The following GRIN2A variants were observed in gnomAD, a reference collection of about 807,000 sequenced individuals.
GRIN2A encodes the protein glutamate receptor ionotropic, NMDA 2A.
A neutral mutation model predicts 113.4 loss-of-function variants in GRIN2A; 22 were observed. That is an observed-to-expected ratio of 0.19 (90% confidence interval 0.14 to 0.28). The LOEUF (loss-of-function observed/expected upper bound fraction) is 0.28, where lower values mean the gene tolerates loss of function less well. GRIN2A is among the 10% of genes least tolerant of loss of function. The pLI is 1.00. For missense variants in GRIN2A, 1,502 were observed against 1,887.0 expected (o/e 0.80, Z 3.78); for synonymous variants, 827 against 738.4 (o/e 1.12, Z -1.94).
intron 2 of GRIN2A, among the ~76,000 whole-genome samples, chr16:10,039,331 G>C (rs952810638): frequency 2.6e-5 from 4 of 152,166 alleles, no homozygotes; most frequent in Admixed American, 1.3e-4. Flanking sequence ...GCGGGGGCAG[G>C]GATGAACTGC....
chr16:10,137,491 A>T (rs748656167), intron 2 of GRIN2A, among the ~76,000 whole-genome samples: 9 of 152,156 alleles, frequency 5.9e-5, no homozygotes, highest in Non-Finnish European at 2.9e-5. Context: ...CTTCCTGCAC[A>T]CTATGGACAA....
chr16:10,139,855 T>C (rs938120054), intron 2 of GRIN2A, among the ~76,000 whole-genome samples: 1 of 151,248 alleles, frequency 6.6e-6, no homozygotes, highest in Non-Finnish European at 1.5e-5. Flanking sequence ...TTGAAGGGAG[T>C]CTCACTCTAT....
chr16:9,863,558 T>C (rs1453307319), intron 4 of GRIN2A, among the ~76,000 whole-genome samples: 1 of 152,126 alleles, frequency 6.6e-6, no homozygotes, highest in Non-Finnish European at 1.5e-5. Flanking sequence ...AACACGGACA[T>C]CCAAAAGGCG....
intron 2 of GRIN2A, among the ~76,000 whole-genome samples, chr16:9,976,241 A>G (rs2045771489): frequency 6.6e-6 from 1 of 152,208 alleles, no homozygotes; most frequent in African/African-American, 2.4e-5. Flanking sequence ...GCCAGACACC[A>G]TGGCATGACT....
chr16:9,851,265 T>G (rs1417715516), intron 4 of GRIN2A, among the ~76,000 whole-genome samples: 1 of 152,222 alleles, frequency 6.6e-6, no homozygotes, highest in Admixed American at 6.5e-5. Flanking sequence ...TACAAAATTG[T>G]CCAGCATTGC....
intron 3 of GRIN2A, among the ~76,000 whole-genome samples, chr16:9,898,789 T>C: frequency 7.8e-6 from 1 of 128,236 alleles, no homozygotes; most frequent in East Asian, 2.0e-4. Flanking sequence ...TTTCACAGAG[T>C]GTTTTTTTTT....
At position 10,180,214 on chromosome 16, in the gene GRIN2A, G is replaced by A. The variant is rs2142389936; in HGVS notation, c.198C>T (p.Asp66=). 4 of 1,614,114 alleles carry A rather than the reference G, an allele frequency of 2.5e-6. No homozygotes were observed. Among genetic ancestry groups the A allele is most frequent in the Non-Finnish European group, 2.5e-6 (3 of 1,180,032 alleles). Residue 66 remains aspartate, a synonymous_variant, in exon 2 of 13, where the codon GAC becomes GAT. Transcript: ENST00000330684. The surrounding 1 kb of genome is among the most constrained non-coding windows in gnomAD (Gnocchi z 7.0). ...GPEQAAGLPL[D]VNVVALLMNR... The stretch of plus-strand genomic sequence containing the variant: ...TCATCAGCAGAGCTACCACGTTCAC[G>A]TCCAGGGGCAGCCCCGCCGCCTGCT...
chr16:10,058,301 C>CA (rs1304173297), intron 2 of GRIN2A, among the ~76,000 whole-genome samples: 1 of 150,930 alleles, frequency 6.6e-6, no homozygotes, highest in Non-Finnish European at 1.5e-5. Flanking sequence ...AAACAAAAAA[C>CA]AAAAAACAAA....
At position 9,924,450 on chromosome 16, in the gene GRIN2A, T is replaced by A. The variant is rs57992739; in HGVS notation, c.1007+13509A>T. On this transcript the variant is annotated intron_variant, in intron 3 of 12. Coordinates refer to ENST00000330684, the MANE Select transcript of GRIN2A (RefSeq NM_001134407.3). ...CGACGAGAAGTCGGCTGACATCTTT[T>A]TTCACTCTGACAGCTTTCAACTGTG... 9.2e-3 allele frequency among the ~76,000 whole-genome samples: 1,407 copies of A among 152,348 alleles called. 19 individuals carry two copies. The highest frequency in any genetic ancestry group is 0.032 in the African/African-American group (1,342 of 41,572).
intron 2 of GRIN2A, among the ~76,000 whole-genome samples, chr16:10,156,524 C>A (rs1262180415): frequency 1.3e-5 from 2 of 152,134 alleles, no homozygotes; most frequent in African/African-American, 4.8e-5. Flanking sequence ...GTATACTGGG[C>A]ACTGAGGGGA....
intron 2 of GRIN2A, among the ~76,000 whole-genome samples, chr16:10,075,739 T>C (rs1327424087): frequency 6.6e-6 from 1 of 152,124 alleles, no homozygotes; most frequent in East Asian, 1.9e-4. Flanking sequence ...TACTAGGAAT[T>C]TCTCATAAGA....
intron 2 of GRIN2A, among the ~76,000 whole-genome samples, chr16:10,166,699 A>G (rs370939521): frequency 2.5e-4 from 38 of 152,340 alleles, no homozygotes; most frequent in African/African-American, 6.3e-4. Context: ...CAAGAAATGT[A>G]TGAAGAATGA....
chr16:10,160,757 A>G (rs2142323875), intron 2 of GRIN2A, among the ~76,000 whole-genome samples: 1 of 152,368 alleles, frequency 6.6e-6, no homozygotes, highest in East Asian at 1.9e-4. Context: ...CAAATGCTCA[A>G]TCGAACAGAA....
rs530149137 is a variant in GRIN2A, at chr16:9,837,504, T to G, written c.1651+3143A>C. Among the ~76,000 whole-genome samples the G allele has an allele frequency of 8.5e-5, 13 of 152,294 alleles. No individual in the cohort carries two copies. The South Asian group carries it at 2.7e-3, about 32-fold the overall frequency. ...AAGCCAATTGATATTTTTTTCTCTC[T>G]GATTGAATTGGAAAAAGAGTTCTCT... On this transcript the variant is annotated intron_variant, in intron 7 of 12. Transcript: ENST00000330684.
intron 7 of GRIN2A, among the ~76,000 whole-genome samples, chr16:9,839,147 A>T (rs373558800): frequency 2.0e-5 from 3 of 152,226 alleles, no homozygotes; most frequent in African/African-American, 7.2e-5. Flanking sequence ...AAACCCACTT[A>T]TATGGGAGTG....
intron 2 of GRIN2A, among the ~76,000 whole-genome samples, chr16:10,070,205 T>C (rs1464156207): frequency 1.3e-5 from 2 of 152,162 alleles, no homozygotes; most frequent in African/African-American, 4.8e-5. Flanking sequence ...AGCAATGTTT[T>C]CTAGGTGCCC....
At chr16:10,045,980 G>T (rs1194693221) in intron 2 of GRIN2A, among the ~76,000 whole-genome samples, 2 of 152,172 alleles carry the variant, frequency 1.3e-5, no homozygotes, top group Non-Finnish European at 2.9e-5. Flanking sequence ...GATATTAGTA[G>T]CATCTCCCGA....
chr16:10,047,693 C>T (rs1010616569), intron 2 of GRIN2A, among the ~76,000 whole-genome samples: 1 of 152,220 alleles, frequency 6.6e-6, no homozygotes, highest in Non-Finnish European at 1.5e-5. Flanking sequence ...TTGGACCCCA[C>T]ATTGCCAGCA....
At chr16:9,998,307 T>C (rs1262601384) in intron 2 of GRIN2A, among the ~76,000 whole-genome samples, 7 of 152,178 alleles carry the variant, frequency 4.6e-5, no homozygotes, top group Non-Finnish European at 7.3e-5. Flanking sequence ...CATAACACTG[T>C]ATGATTCCAT....
Sources: gnomAD v4.1 joint callset for allele counts (sites outside exome capture counted in the v4.1 genomes callset) on GRCh38, gnomAD v4.1.1 for gene constraint, Gnocchi (gnomAD v3.1) non-coding constraint, MANE v1.5 for transcripts, NCBI Gene and HGNC (gene_info 2026-07-23, HGNC 2026-07-21) for gene names.